Variants in SLC12A3 observed in about 807,000 individuals in gnomAD.
SLC12A3 encodes solute carrier family 12 member 3, also known as Na-Cl cotransporter.
Under a neutral mutation model 121.0 loss-of-function variants are expected in SLC12A3, and 104 were observed. The observed-to-expected ratio is 0.86, with a 90% confidence interval of 0.73 to 1.01. The LOEUF (loss-of-function observed/expected upper bound fraction) is 1.01. Ranked by LOEUF, SLC12A3 falls within the 50% of genes least tolerant of loss-of-function variation. The probability of loss-of-function intolerance (pLI) is 0.00; values close to 1 mark genes in which losing one functional copy is unlikely to be tolerated. For synonymous variants in SLC12A3, 536 were observed against 533.4 expected, an observed-to-expected ratio of 1.00 and a Z score of -0.07; for missense variants, 1,328 against 1,356.3, an observed-to-expected ratio of 0.98 and a Z score of 0.33.
At chr16:56,873,374 C>CTTTTTTTTTTTTTTTTTTTTTTT (rs59478629) in intron 8 of SLC12A3, among the ~76,000 whole-genome samples, 1 of 75,372 alleles carries the variant, frequency 1.3e-5, no homozygotes, top group Non-Finnish European at 2.4e-5. Context: ...CTCTTTCTTT[C>CTTTTTTTTTTTTTTTTTTTTTTT]TTTTTTTTTT....
intron 23 of SLC12A3, 23 bp downstream of exon 23, chr16:56,899,639 C>T (rs990168433): frequency 1.9e-6 from 3 of 1,567,684 alleles, no homozygotes; most frequent in Non-Finnish European, 2.6e-6. Flanking sequence ...TTGGGGCTTC[C>T]AGGCAGAAGG....
At chr16:56,901,604 T>C (rs1043640220) in intron 23 of SLC12A3, among the ~76,000 whole-genome samples, 1 of 152,180 alleles carries the variant, frequency 6.6e-6, no homozygotes, top group East Asian at 1.9e-4. Flanking sequence ...CCTCCCAAAG[T>C]GCTGGGATTA....
In SLC12A3 at chr16:56,869,754, G is replaced by A. The variant is rs2144688450; in HGVS notation, c.531G>A (p.Leu177=). The change falls in exon 4 of 26, where the codon CTG becomes CTA. Residue 177 remains leucine (L), a synonymous_variant. Coordinates refer to ENST00000563236, the MANE Select transcript of SLC12A3 (RefSeq NM_001126108.2). ...TCCTGACCTGGATCATCATCCTGCT[G>A]TCGGTCACGGTGACCTCCATCACAG... ...GIVLTWIIIL[L]SVTVTSITGL... is the part of the protein sequence containing the mutation. 6.2e-7 allele frequency: 1 copy of A among 1,614,180 alleles called. No homozygotes were observed. The highest frequency in any genetic ancestry group is 8.5e-7 in the Non-Finnish European group (1 of 1,180,024).
At chr16:56,893,778 T>C (rs540682683) in intron 21 of SLC12A3, among the ~76,000 whole-genome samples, 2 of 152,214 alleles carry the variant, frequency 1.3e-5, no homozygotes, top group South Asian at 4.1e-4. Flanking sequence ...ATGACTTTTG[T>C]TTTTTATTAT....
At chr16:56,902,652 G>A in intron 24 of SLC12A3, 144 bp downstream of exon 24, 7 of 1,011,782 alleles carry the variant, frequency 6.9e-6, no homozygotes, top group Non-Finnish European at 1.0e-5. Context: ...TCAAGCCACA[G>A]TCGTTCAGGC....
Position 56,888,046 on chromosome 16 carries a change from A to G in SLC12A3, c.2285+15A>G. On this transcript the variant is annotated intron_variant, in intron 18 of 25. Coordinates refer to ENST00000563236, the MANE Select transcript of SLC12A3 (RefSeq NM_001126108.2). ...GGCATCCTCCAGTGAGTCGGGGGAGAGGAAGGGGCTTGGGGTCTGTTAATT... is the reference window on the plus strand; with the variant it reads ...GGCATCCTCCAGTGAGTCGGGGGAGGGGAAGGGGCTTGGGGTCTGTTAATT... The G allele has an allele frequency of 1.3e-6, 2 of 1,581,036 alleles. No homozygotes were observed. Among genetic ancestry groups the G allele is most frequent in the African/African-American group, 2.7e-5 (2 of 74,216 alleles).
At chr16:56,896,597 A>T (rs571839735) in intron 22 of SLC12A3, among the ~76,000 whole-genome samples, 1 of 152,226 alleles carries the variant, frequency 6.6e-6, no homozygotes, top group East Asian at 1.9e-4. Context: ...AAAACTTAAA[A>T]AAAAAATTAA....
chr16:56,874,151 T>C (rs1040923072), intron 8 of SLC12A3, among the ~76,000 whole-genome samples: 4 of 152,236 alleles, frequency 2.6e-5, no homozygotes, highest in African/African-American at 7.2e-5. Context: ...TGCCTCTGTC[T>C]CCCTATTCCC....
At chr16:56,885,706 C>G (rs889716099) in intron 15 of SLC12A3, among the ~76,000 whole-genome samples, 7 of 152,194 alleles carry the variant, frequency 4.6e-5, no homozygotes, top group Non-Finnish European at 1.0e-4. Context: ...AGCTCATTCC[C>G]CTCTTTGTAG....
At chr16:56,879,335 A>C in intron 10 of SLC12A3, 108 bp downstream of exon 10, 1 of 1,451,786 alleles carries the variant, frequency 6.9e-7, no homozygotes, top group African/African-American at 1.4e-5. Flanking sequence ...TTGGGGGTTG[A>C]GGCCTAGGCT....
chr16:56,868,257 G>T (rs780993996), intron 2 of SLC12A3, 40 bp from the exon 3 acceptor site: 106 of 1,602,264 alleles, frequency 6.6e-5, no homozygotes, highest in Non-Finnish European at 8.9e-5. Context: ...TGGCCTTGGG[G>T]TGTCCACCCA....
rs1596929143 is a variant in SLC12A3, at chr16:56,890,442, A to G, written c.2368+86A>G. ...GCAGAGGGAAAAATGAGTAAGAAAT[A>G]AAAGGTTACAGACTCATAGAAAGTC... On this transcript the variant is annotated intron_variant, in intron 19 of 25. Coordinates refer to ENST00000563236, the MANE Select transcript of SLC12A3 (RefSeq NM_001126108.2). 3 of 1,104,692 alleles carry G rather than the reference A, an allele frequency of 2.7e-6. No homozygotes were observed. The Admixed American group carries it at 5.7e-5, about 21-fold the overall frequency. The allele number at this position is 1,104,692 out of a possible 1,614,324, so 68.4% of individuals were successfully genotyped here. A position where few individuals can be genotyped will look rare whatever the true frequency, so the allele number is the denominator to read the frequency against.
intron 8 of SLC12A3, among the ~76,000 whole-genome samples, chr16:56,874,117 C>T (rs1173211472): frequency 6.6e-6 from 1 of 152,218 alleles, no homozygotes; most frequent in Non-Finnish European, 1.5e-5. Context: ...TATCTGTTGC[C>T]CCGGCATCTG....
chr16:56,892,728 T>C (rs570848659), intron 20 of SLC12A3, among the ~76,000 whole-genome samples: 2 of 152,216 alleles, frequency 1.3e-5, no homozygotes, highest in South Asian at 4.1e-4. Flanking sequence ...CCCAGAGGGC[T>C]CTGGGACTGC....
intron 23 of SLC12A3, among the ~76,000 whole-genome samples, chr16:56,900,136 A>G (rs2055518397): frequency 6.6e-6 from 1 of 152,118 alleles, no homozygotes; most frequent in Non-Finnish European, 1.5e-5. Context: ...TCCTAGCCCT[A>G]ACTTTTCTCT....
At chr16:56,907,472 C>T (rs1327586831) in intron 25 of SLC12A3, among the ~76,000 whole-genome samples, 1 of 152,204 alleles carries the variant, frequency 6.6e-6, no homozygotes, top group Non-Finnish European at 1.5e-5. Context: ...AATACTCAAA[C>T]GCTACTTCCA....
Position 56,887,001 on chromosome 16 carries a change from C to T in SLC12A3, c.2086C>T (p.His696Tyr), listed in dbSNP as rs1596922462. The change falls in exon 17 of 26, where the codon CAC (histidine) becomes TAC (tyrosine). Residue 696 changes from histidine to tyrosine, a missense_variant. By Grantham distance (83) the His-to-Tyr change is moderately conservative. Transcript: ENST00000563236. ...TGAGCTCCAGCTCATCGCCAACGGG[C>T]ACACCAAGTGGCTGAACAAGAGGAA... Reference protein sequence around the residue: ...MPELQLIANGHTKWLNKRKIK... With the variant: ...MPELQLIANGYTKWLNKRKIK... The T allele has an allele frequency of 6.2e-7, 1 of 1,613,936 alleles. No homozygotes were observed.
chr16:56,869,589 G>A (rs897178660), intron 3 of SLC12A3, 140 bp from the exon 4 acceptor site: 3 of 740,138 alleles, frequency 4.1e-6, no homozygotes, highest in Non-Finnish European at 4.8e-6. Flanking sequence ...GCCTCCCAAA[G>A]TGACAGAGAC....
intron 2 of SLC12A3, among the ~76,000 whole-genome samples, chr16:56,867,426 A>G (rs1964384465): frequency 6.6e-6 from 1 of 152,230 alleles, no homozygotes; most frequent in Non-Finnish European, 1.5e-5. Flanking sequence ...AAAAGCCACC[A>G]GGGGGCTGCA....
Sources: allele counts gnomAD v4.1 joint callset (sites outside exome capture counted in the v4.1 genomes callset), GRCh38; gene constraint gnomAD v4.1.1; transcripts MANE v1.5; gene names NCBI Gene and HGNC (gene_info 2026-07-23, HGNC 2026-07-21).